COBL: variants seen among roughly 807,000 people sequenced by gnomAD.
COBL encodes protein cordon-bleu.
COBL carries 51 observed loss-of-function variants against 98.8 expected under a neutral mutation model. The ratio of observed to expected loss-of-function variants is 0.52; its 90% confidence interval spans 0.41 to 0.65. The LOEUF is 0.65. Ranked by LOEUF, COBL falls within the 30% of genes least tolerant of loss-of-function variation. COBL has a pLI of 0.00. For synonymous variants in COBL, 634 were observed against 651.7 expected, an observed-to-expected ratio of 0.97 and a Z score of 0.41; for missense variants, 1,617 against 1,617.5, an observed-to-expected ratio of 1.00 and a Z score of 0.01.
intron 5 of COBL, among the ~76,000 whole-genome samples, chr7:51,157,460 C>T (rs899853233): frequency 3.3e-5 from 5 of 152,182 alleles, no homozygotes; most frequent in Non-Finnish European, 7.3e-5. Flanking sequence ...CTTCTGAGGG[C>T]AGGGGGTTGG....
At chr7:51,260,000 A>T in intron 1 of COBL, 1 of 758,298 alleles carries the variant, frequency 1.3e-6, no homozygotes, top group East Asian at 2.4e-5. Context: ...CAGGAATCAT[A>T]TAGGAATGAT....
intron 1 of COBL, among the ~76,000 whole-genome samples, chr7:51,309,767 A>G (rs11764618): frequency 0.34 from 51,873 of 151,948 alleles, 9,874 homozygotes; most frequent in South Asian, 0.45. Flanking sequence ...GCCACAAACC[A>G]ATGACACAAA....
intron 5 of COBL, among the ~76,000 whole-genome samples, chr7:51,155,670 C>T (rs924031871): frequency 6.9e-6 from 1 of 145,162 alleles, no homozygotes; most frequent in Non-Finnish European, 1.5e-5. Flanking sequence ...CAGATTTCAA[C>T]TCCCCTAACC....
chr7:51,168,998 T>C (rs1289760091), intron 5 of COBL, among the ~76,000 whole-genome samples: 1 of 152,108 alleles, frequency 6.6e-6, no homozygotes, highest in Non-Finnish European at 1.5e-5. Flanking sequence ...AAAAATCTAG[T>C]TCAGGCCATG....
intron 1 of COBL, among the ~76,000 whole-genome samples, chr7:51,289,871 T>C (rs758701694): frequency 7.2e-5 from 11 of 152,230 alleles, no homozygotes; most frequent in Non-Finnish European, 2.9e-5. Context: ...ACCGAACTGA[T>C]GTTCAATTGC....
chr7:51,262,901 G>A (rs1797844976), intron 1 of COBL, among the ~76,000 whole-genome samples: 1 of 152,110 alleles, frequency 6.6e-6, no homozygotes, highest in Non-Finnish European at 1.5e-5. Context: ...AACTTGCCAG[G>A]AGCCTGGGAA....
chr7:51,112,051 C>G (rs1356402987), intron 6 of COBL, among the ~76,000 whole-genome samples: 1 of 152,012 alleles, frequency 6.6e-6, no homozygotes, highest in East Asian at 1.9e-4. Context: ...AGAACAAGTC[C>G]AGGCAATTTT....
At chr7:51,079,830 TC>T (rs1793457827) in intron 7 of COBL, among the ~76,000 whole-genome samples, 1 of 152,238 alleles carries the variant, frequency 6.6e-6, no homozygotes, top group Admixed American at 6.5e-5. Flanking sequence ...CTCCACCTCT[TC>T]TGAACTCTTG....
At chr7:51,188,487 C>A (rs937290033) in intron 4 of COBL, among the ~76,000 whole-genome samples, 2 of 152,228 alleles carry the variant, frequency 1.3e-5, no homozygotes, top group African/African-American at 4.8e-5. Context: ...GGACGGTAAT[C>A]AAATGTCACA....
intron 5 of COBL, among the ~76,000 whole-genome samples, chr7:51,141,618 T>C (rs376920312): frequency 1.3e-4 from 20 of 151,828 alleles, no homozygotes; most frequent in African/African-American, 4.6e-4. Flanking sequence ...TGCCCCCTTT[T>C]GAAAGGCTTT....
chr7:51,241,708 T>C (rs1045854558), intron 1 of COBL, among the ~76,000 whole-genome samples: 2 of 152,250 alleles, frequency 1.3e-5, no homozygotes, highest in African/African-American at 4.8e-5. Flanking sequence ...CAAACACTGC[T>C]GTGTGTCAGT....
At chr7:51,209,076 T>C (rs1225208826) in intron 2 of COBL, among the ~76,000 whole-genome samples, 2 of 143,582 alleles carry the variant, frequency 1.4e-5, no homozygotes, top group Non-Finnish European at 3.0e-5. Flanking sequence ...AAAAAAACAT[T>C]TGCAAAGCCC....
intron 1 of COBL, among the ~76,000 whole-genome samples, chr7:51,236,807 C>T (rs1795300143): frequency 6.6e-6 from 1 of 152,172 alleles, no homozygotes; most frequent in Non-Finnish European, 1.5e-5. Context: ...ACTCAAAAAA[C>T]AAGGCATGTC....
At chr7:51,185,935 CA>C (rs1789454631) in intron 4 of COBL, among the ~76,000 whole-genome samples, 1 of 152,204 alleles carries the variant, frequency 6.6e-6, no homozygotes, top group African/African-American at 2.4e-5. Context: ...TCCTAGCCAC[CA>C]GGGCAGGGCC....
At chr7:51,251,735 AAC>A (rs1796740154) in intron 1 of COBL, among the ~76,000 whole-genome samples, 1 of 152,198 alleles carries the variant, frequency 6.6e-6, no homozygotes, top group Non-Finnish European at 1.5e-5. Context: ...TGTCAGATTG[AAC>A]ACACAGTGAT....
intron 1 of COBL, among the ~76,000 whole-genome samples, chr7:51,255,989 T>C (rs1004076189): frequency 1.3e-5 from 2 of 152,214 alleles, no homozygotes; most frequent in African/African-American, 4.8e-5. Flanking sequence ...TAGCCTTCTC[T>C]CCACCAAAAG....
intron 1 of COBL, among the ~76,000 whole-genome samples, chr7:51,249,989 C>T (rs1488629821): frequency 6.6e-6 from 1 of 152,102 alleles, no homozygotes; most frequent in African/African-American, 2.4e-5. Flanking sequence ...GTAATCCCAG[C>T]TACTCAGGAG....
chr7:51,061,394 A>G (rs1044585725), intron 7 of COBL, among the ~76,000 whole-genome samples: 3 of 152,162 alleles, frequency 2.0e-5, no homozygotes, highest in Non-Finnish European at 4.4e-5. Context: ...GAGAGAGTAA[A>G]CATCAACTCA....
intron 1 of COBL, among the ~76,000 whole-genome samples, chr7:51,272,561 T>C (rs1415386489): frequency 1.3e-5 from 2 of 152,022 alleles, no homozygotes; most frequent in African/African-American, 2.4e-5. Flanking sequence ...AAAAGGAAAA[T>C]TCAGAATATT....
Sources: gnomAD v4.1 joint callset for allele counts (sites outside exome capture counted in the v4.1 genomes callset) on GRCh38, gnomAD v4.1.1 for gene constraint, MANE v1.5 for transcripts, NCBI Gene and HGNC (gene_info 2026-07-23, HGNC 2026-07-21) for gene names.